The following EFR3B variants were observed in gnomAD, a reference collection of about 807,000 sequenced individuals.
EFR3B encodes the protein EFR3 homolog B, also known as protein EFR3 homolog B.
EFR3B carries 64 observed loss-of-function variants against 104.7 expected under a neutral mutation model. That is an observed-to-expected ratio of 0.61 (90% confidence interval 0.50 to 0.75). EFR3B has a LOEUF of 0.75. EFR3B is among the 30% of genes least tolerant of loss of function. The pLI is 0.00. For missense variants in EFR3B, 750 were observed against 1,078.5 expected (o/e 0.70, Z 4.27); for synonymous variants, 385 against 417.9 (o/e 0.92, Z 0.96).
intron 1 of EFR3B, among the ~76,000 whole-genome samples, chr2:25,073,220 C>T (rs12473083): frequency 0.011 from 1,635 of 152,266 alleles, 11 homozygotes; most frequent in Non-Finnish European, 0.018. Flanking sequence ...TCACCTCCCA[C>T]AGACAAAGAA....
chr2:25,151,768 G>A, intron 20 of EFR3B, 146 bp from the exon 21 acceptor site: 1 of 788,282 alleles, frequency 1.3e-6, no homozygotes, highest in Admixed American at 2.9e-5. Flanking sequence ...GGCCAAGTGA[G>A]GGCACCGCAC....
rs1671146695 is a variant in EFR3B, at chr2:25,155,689, T to C, written c.*1349T>C. ...TGGGGCTCCTCCCATGGCAGTGCCA[T>C]GTGGTCCAAAATTGCCCTTTCCTTC... On this transcript the variant is annotated 3_prime_UTR_variant, in exon 23 of 23. Coordinates refer to ENST00000403714, the MANE Select transcript of EFR3B (RefSeq NM_014971.2). 6.6e-6 allele frequency: 1 copy of C among 152,182 alleles called. No individual in the cohort carries two copies. The highest frequency in any genetic ancestry group is 2.4e-5 in the African/African-American group (1 of 41,440). The allele number at this position is 152,182 out of a possible 1,614,324, so 9.4% of individuals were successfully genotyped here. A position where few individuals can be genotyped will look rare whatever the true frequency, so the allele number is the denominator to read the frequency against.
chr2:25,093,261 A>C, intron 3 of EFR3B, 131 bp downstream of exon 3: 3 of 1,244,468 alleles, frequency 2.4e-6, no homozygotes, highest in Non-Finnish European at 3.2e-6. Flanking sequence ...TTGGGAGGTC[A>C]AGGTGGGAGG....
intron 2 of EFR3B, among the ~76,000 whole-genome samples, chr2:25,092,550 A>G (rs1669157943): frequency 6.6e-6 from 1 of 151,748 alleles, no homozygotes; most frequent in Non-Finnish European, 1.5e-5. Context: ...ATCACTTACA[A>G]TTCTTTTTCT....
Position 25,062,860 on chromosome 2 carries a change from C to T in EFR3B, c.7+20541C>T, listed in dbSNP as rs1032385524. On this transcript the variant is annotated intron_variant, in intron 1 of 22. Transcript: ENST00000403714. ...ACAAAGCCTGACTCTCCTAGGCCTC[C>T]GGCACTGTCTCAGCACAATCACAGA... Among the ~76,000 whole-genome samples, 6 of 152,206 alleles carry T rather than the reference C, an allele frequency of 3.9e-5. 1 individual carries two copies. Among genetic ancestry groups the T allele is most frequent in the Admixed American group, 2.0e-4 (3 of 15,286 alleles).
intron 1 of EFR3B, among the ~76,000 whole-genome samples, chr2:25,062,653 C>T (rs966231267): frequency 6.8e-4 from 103 of 152,224 alleles, no homozygotes; most frequent in African/African-American, 2.3e-3. Flanking sequence ...AGACAACTTA[C>T]GTGCCGAGTA....
At chr2:25,085,389 C>A (rs183146599) in intron 1 of EFR3B, among the ~76,000 whole-genome samples, 1 of 152,186 alleles carries the variant, frequency 6.6e-6, no homozygotes, top group Non-Finnish European at 1.5e-5. Flanking sequence ...TATATTCCTT[C>A]CTATTTCCCA....
chr2:25,131,474 C>T lies in EFR3B; in HGVS notation c.956C>T (p.Ala319Val). The change falls in exon 9 of 23, where the codon GCC becomes GTC. Residue 319 changes from alanine (A) to valine (V), a missense_variant. Physicochemically the swap from Ala to Val is moderately conservative, Grantham distance 64 (BLOSUM62 0). Transcript: ENST00000403714. This position sits in a 1 kb window ranked among gnomAD's most constrained non-coding sequence, Gnocchi z 7.6. Reference sequence around the variant, plus strand: ...GGCATCGTGGAAGTCTTGTCGGAAGCCGCGGTCATCGCTGCCACCGGCTCT... The same window carrying T: ...GGCATCGTGGAAGTCTTGTCGGAAGTCGCGGTCATCGCTGCCACCGGCTCT... Reference protein sequence around the residue: ...RAGIVEVLSEAAVIAATGSVG... With the variant: ...RAGIVEVLSEVAVIAATGSVG... The T allele has an allele frequency of 6.5e-7, 1 of 1,550,164 alleles. No individual in the cohort carries two copies. Among genetic ancestry groups the T allele is most frequent in the African/African-American group, 1.4e-5 (1 of 73,190 alleles).
chr2:25,067,687 C>A (rs1668377108), intron 1 of EFR3B, among the ~76,000 whole-genome samples: 1 of 152,054 alleles, frequency 6.6e-6, no homozygotes, highest in Admixed American at 6.5e-5. Flanking sequence ...CTGGCCACAG[C>A]CTCCTTTTGA....
At chr2:25,053,434 G>A (rs2149165077) in intron 1 of EFR3B, among the ~76,000 whole-genome samples, 1 of 152,298 alleles carries the variant, frequency 6.6e-6, no homozygotes, top group Non-Finnish European at 1.5e-5. Flanking sequence ...TCAGAGACAG[G>A]CAGACTGCAG....
intron 3 of EFR3B, among the ~76,000 whole-genome samples, chr2:25,097,911 C>T (rs1039073177): frequency 1.3e-5 from 2 of 152,142 alleles, no homozygotes; most frequent in African/African-American, 4.8e-5. Context: ...TCCCCAGTAC[C>T]TGGAGCTCTC....
chr2:25,124,134 C>T (rs1267713272), intron 5 of EFR3B, among the ~76,000 whole-genome samples: 1 of 152,156 alleles, frequency 6.6e-6, no homozygotes, highest in South Asian at 2.1e-4. Context: ...CCTTTTTAGA[C>T]TCAGCTGACC....
chr2:25,145,145 C>A, intron 19 of EFR3B, 94 bp downstream of exon 19: 1 of 1,135,864 alleles, frequency 8.8e-7, no homozygotes, highest in Non-Finnish European at 1.3e-6. Context: ...GGGCTTAAGG[C>A]TGCATGGAAA....
Position 25,114,735 on chromosome 2 carries a change from C to T in EFR3B, c.364-6938C>T, listed in dbSNP as rs1245695607. Among the ~76,000 whole-genome samples, 1 of 152,210 alleles carries T rather than the reference C, an allele frequency of 6.6e-6. No individual in the cohort carries two copies. Among genetic ancestry groups the T allele is most frequent in the East Asian group, 1.9e-4 (1 of 5,194 alleles). On this transcript the variant is annotated intron_variant, in intron 4 of 22. Transcript: ENST00000403714. The surrounding 1 kb of genome is among the most constrained non-coding windows in gnomAD (Gnocchi z 4.0). ...CTTGACGGACCTCCCTGACCAAGAA[C>T]ATGCTTCCCTAGCTTTTTCCCAAGG...
chr2:25,139,878 A>G (rs1670616953), intron 16 of EFR3B, among the ~76,000 whole-genome samples: 1 of 152,228 alleles, frequency 6.6e-6, no homozygotes, highest in Non-Finnish European at 1.5e-5. Flanking sequence ...AACACAGCTC[A>G]TTAAGTGATC....
chr2:25,093,073 G>A lies in EFR3B; in HGVS notation c.155G>A (p.Arg52His). The A allele has an allele frequency of 6.4e-7, 1 of 1,551,396 alleles. No individual in the cohort carries two copies. Among genetic ancestry groups the A allele is most frequent in the Non-Finnish European group, 8.7e-7 (1 of 1,147,078 alleles). ...YALSAPEKLDRIGAYLSERLI... is the reference protein window; with the variant it reads ...YALSAPEKLDHIGAYLSERLI... ...CTCTCAGCTCCAGAAAAACTTGATC[G>A]TATTGGCGCCTACCTCTCTGAGAGG... Residue 52 changes from arginine (R) to histidine (H), a missense_variant, in exon 3 of 23, where the codon CGT (arginine) becomes CAT (histidine). Arg to His is a conservative substitution (Grantham distance 29, BLOSUM62 0). Coordinates refer to ENST00000403714, the MANE Select transcript of EFR3B (RefSeq NM_014971.2).
intron 1 of EFR3B, among the ~76,000 whole-genome samples, chr2:25,076,144 C>T (rs1219527969): frequency 2.0e-5 from 3 of 152,152 alleles, no homozygotes; most frequent in Non-Finnish European, 4.4e-5. Flanking sequence ...CCTCCCACCT[C>T]GACCTCCCAA....
intron 1 of EFR3B, among the ~76,000 whole-genome samples, chr2:25,061,966 TA>T (rs1050937391): frequency 1.4e-4 from 22 of 152,348 alleles, no homozygotes; most frequent in African/African-American, 5.0e-4. Context: ...TACTTTATTT[TA>T]TTTTTTTTAG....
At chr2:25,153,228 C>A (rs1169262538) in intron 21 of EFR3B, among the ~76,000 whole-genome samples, 1 of 152,122 alleles carries the variant, frequency 6.6e-6, no homozygotes, top group Non-Finnish European at 1.5e-5. Context: ...GTGGCAGGCA[C>A]CTGTAATCCC....
Sources: allele counts gnomAD v4.1 joint callset (sites outside exome capture counted in the v4.1 genomes callset), GRCh38; gene constraint gnomAD v4.1.1; non-coding constraint Gnocchi (gnomAD v3.1); transcripts MANE v1.5; gene names NCBI Gene and HGNC (gene_info 2026-07-23, HGNC 2026-07-21).